The following ZMYM2 variants were observed in gnomAD, a reference collection of about 807,000 sequenced individuals.
ZMYM2 encodes the protein zinc finger MYM-type protein 2.
A neutral mutation model predicts 162.8 loss-of-function variants in ZMYM2; 56 were observed. The ratio of observed to expected loss-of-function variants is 0.34; its 90% CI spans 0.28 to 0.43. The LOEUF is 0.43. Ranked by LOEUF, ZMYM2 falls within the 20% of genes least tolerant of loss-of-function variation. ZMYM2 has a pLI of 1.00. For missense variants in ZMYM2, 1,275 were observed against 1,621.8 expected (o/e 0.79, Z 3.67); for synonymous variants, 510 against 541.6 (o/e 0.94, Z 0.81).
chr13:19,940,888 G>A, the ZMYM2 span, among the ~76,000 whole-genome samples: 2 of 152,134 alleles, frequency 1.3e-5, no homozygotes, highest in African/African-American at 2.4e-5. Context: ...GTTATGCCAG[G>A]CATGGGAATG....
At chr13:19,922,784 C>G in the ZMYM2 span, among the ~76,000 whole-genome samples, 1 of 152,110 alleles carries the variant, frequency 6.6e-6, no homozygotes, top group Non-Finnish European at 1.5e-5. Context: ...GCAGAGCTTA[C>G]AGTGAGCCGA....
At chr13:19,900,248 A>C in the ZMYM2 span, among the ~76,000 whole-genome samples, 1 of 152,154 alleles carries the variant, frequency 6.6e-6, no homozygotes, top group Non-Finnish European at 1.5e-5. Context: ...GCAGTGAGCC[A>C]AGATTGTGCC....
In ZMYM2 at chr13:20,088,212, CAG is replaced by C. The variant is rs1958379267; in HGVS notation, c.*2199_*2200del. 4.8e-6 allele frequency: 1 copy of C among 207,294 alleles called. No homozygotes were observed. Among genetic ancestry groups the C allele is most frequent in the Non-Finnish European group, 9.8e-6 (1 of 101,556 alleles). The allele number at this position is 207,294 out of a possible 1,614,324, so 12.8% of individuals were successfully genotyped here. ...TCCAACGATAGATTAACTTGATTCT[CAG>C]GGGGAAAAGAAAAACTTATTTTATG... On this transcript the variant is annotated 3_prime_UTR_variant, in exon 25 of 25. Transcript: ENST00000610343.
At chr13:19,943,411 C>T in the ZMYM2 span, among the ~76,000 whole-genome samples, 129 of 152,266 alleles carry the variant, frequency 8.5e-4, no homozygotes, top group African/African-American at 3.0e-3. Flanking sequence ...AAACTCACAA[C>T]ACCAGGCATG....
At chr13:20,023,716 G>C (rs1474525978) in intron 7 of ZMYM2, among the ~76,000 whole-genome samples, 2 of 152,108 alleles carry the variant, frequency 1.3e-5, no homozygotes, top group Non-Finnish European at 2.9e-5. Flanking sequence ...CTAAATGTGT[G>C]TTTATAGGAC....
At chr13:20,020,515 C>T (rs533341712) in intron 7 of ZMYM2, among the ~76,000 whole-genome samples, 9 of 152,230 alleles carry the variant, frequency 5.9e-5, no homozygotes, top group Admixed American at 2.6e-4. Flanking sequence ...TGAGCCACCG[C>T]GCCCGGCCCA....
chr13:20,027,133 C>T, intron 8 of ZMYM2, 70 bp from the exon 9 acceptor site: 7 of 1,010,046 alleles, frequency 6.9e-6, no homozygotes, highest in Non-Finnish European at 1.0e-5. Context: ...TCTATGATCT[C>T]AGTAGTTAAG....
chr13:19,908,180 C>G, the ZMYM2 span, among the ~76,000 whole-genome samples: 1 of 151,752 alleles, frequency 6.6e-6, no homozygotes, highest in Non-Finnish European at 1.5e-5. Context: ...CCCAGCTACT[C>G]AAGAGGCTGA....
rs992568552 is a variant in ZMYM2, at chr13:20,045,799, T to A, written c.2293-5634T>A. On this transcript the variant is annotated intron_variant, in intron 12 of 24. Transcript: ENST00000610343. ...TCCCTGTTGTTTTACTGTACAAATATCTGCCTAATTGTAAAATTATGAATA... is the reference window on the plus strand; with the variant it reads ...TCCCTGTTGTTTTACTGTACAAATAACTGCCTAATTGTAAAATTATGAATA... Among the ~76,000 whole-genome samples, 3 of 152,320 alleles carry A rather than the reference T, an allele frequency of 2.0e-5. No individual in the cohort carries two copies. The East Asian group carries it at 5.8e-4, about 29-fold the overall frequency.
the ZMYM2 span, among the ~76,000 whole-genome samples, chr13:19,917,208 C>T: frequency 6.6e-6 from 1 of 151,954 alleles, no homozygotes; most frequent in African/African-American, 2.4e-5. Flanking sequence ...GTGATCCGCC[C>T]GCCTTGGCCT....
chr13:20,018,747 T>C (rs559339422), intron 6 of ZMYM2, among the ~76,000 whole-genome samples: 1 of 152,216 alleles, frequency 6.6e-6, no homozygotes, highest in East Asian at 1.9e-4. Flanking sequence ...TATGTATTCG[T>C]ATTATATGCT....
the ZMYM2 span, among the ~76,000 whole-genome samples, chr13:19,932,103 A>G: frequency 1.3e-5 from 2 of 152,322 alleles, no homozygotes; most frequent in East Asian, 3.9e-4. Context: ...AACTCAGTCT[A>G]TTTTTTGGAA....
chr13:20,033,422 A>G (rs1482112877), intron 10 of ZMYM2, among the ~76,000 whole-genome samples: 2 of 152,132 alleles, frequency 1.3e-5, no homozygotes, highest in Non-Finnish European at 2.9e-5. Context: ...TCCTCACTCC[A>G]TGTGGCTTCT....
At chr13:20,058,935 GA>G in intron 15 of ZMYM2, 1 of 638,992 alleles carries the variant, frequency 1.6e-6, no homozygotes, top group Admixed American at 2.5e-5. Flanking sequence ...TGTCAAAAGT[GA>G]AAAAATACTA....
the ZMYM2 span, among the ~76,000 whole-genome samples, chr13:19,932,775 A>T: frequency 2.6e-5 from 4 of 152,276 alleles, no homozygotes; most frequent in African/African-American, 9.6e-5. Context: ...AACTAAAACC[A>T]TGCTGGCACC....
intron 21 of ZMYM2, among the ~76,000 whole-genome samples, chr13:20,075,669 C>CTTTT (rs1566463477): frequency 9.1e-6 from 1 of 109,326 alleles, no homozygotes; most frequent in African/African-American, 4.0e-5. Flanking sequence ...ACTATAGACA[C>CTTTT]CTTTTTTTTT....
the ZMYM2 span, among the ~76,000 whole-genome samples, chr13:19,934,321 T>C: frequency 6.6e-6 from 1 of 152,072 alleles, no homozygotes; most frequent in Non-Finnish European, 1.5e-5. Context: ...CCACCATGCC[T>C]GGCTAATTTT....
At chr13:20,007,336 C>T (rs1348314268) in intron 6 of ZMYM2, among the ~76,000 whole-genome samples, 2 of 151,974 alleles carry the variant, frequency 1.3e-5, no homozygotes, top group African/African-American at 4.8e-5. Context: ...GGGGTTTCAC[C>T]GTGTTAGCCA....
chr13:20,059,565 A>G lies in ZMYM2; in HGVS notation c.2739+3A>G. 1 of 1,142,406 alleles carries G rather than the reference A, an allele frequency of 8.8e-7. No homozygotes were observed. Among genetic ancestry groups the G allele is most frequent in the Non-Finnish European group, 1.3e-6 (1 of 750,102 alleles). 70.8% of individuals were successfully genotyped at this position (1,142,406 alleles called of 1,614,324 possible). On this transcript the variant is annotated splice_donor_region_variant and intron_variant, in intron 16 of 24. Coordinates refer to ENST00000610343, the MANE Select transcript of ZMYM2 (RefSeq NM_197968.4). ...TTCCTACTACAGTTCCTGTTCCTGTAAGTCACATTTTAAGTTCTTTCTCAT... is the reference window on the plus strand; with the variant it reads ...TTCCTACTACAGTTCCTGTTCCTGTGAGTCACATTTTAAGTTCTTTCTCAT...
Sources: allele counts gnomAD v4.1 joint callset (sites outside exome capture counted in the v4.1 genomes callset), GRCh38; gene constraint gnomAD v4.1.1; transcripts MANE v1.5; gene names NCBI Gene and HGNC (gene_info 2026-07-23, HGNC 2026-07-21).